Variants in DPP6 observed in about 807,000 individuals in gnomAD.
DPP6 encodes the protein A-type potassium channel modulatory protein DPP6.
A neutral mutation model predicts 122.6 loss-of-function variants in DPP6; 69 were observed. The observed-to-expected ratio is 0.56, with a 90% CI of 0.46 to 0.69. The LOEUF (loss-of-function observed/expected upper bound fraction) is 0.69, where lower values mean the gene tolerates loss of function less well. Ranked by LOEUF, DPP6 falls within the 30% of genes least tolerant of loss-of-function variation. The pLI is 0.00. For synonymous variants in DPP6, 418 were observed against 433.1 expected (o/e 0.97, Z 0.43); for missense variants, 928 against 1,116.9 (o/e 0.83, Z 2.41).
rs1805036666 is a variant in DPP6 at position 154,877,986 on chromosome 7, G to A, written c.2078+1886G>A. On this transcript the variant is annotated intron_variant, in intron 20 of 25. Coordinates refer to ENST00000377770, the MANE Select transcript of DPP6 (RefSeq NM_130797.4). This position sits in a 1 kb window ranked among gnomAD's most constrained non-coding sequence, Gnocchi z 5.2. ...CCGGCCCAGGCTGCGCTCTGGAGTGGAGTGGGCCTGGCTTCCTGGGTGGGG... is the reference window on the plus strand; with the variant it reads ...CCGGCCCAGGCTGCGCTCTGGAGTGAAGTGGGCCTGGCTTCCTGGGTGGGG... Among the ~76,000 whole-genome samples, 2 of 152,236 alleles carry A rather than the reference G, an allele frequency of 1.3e-5. No individual in the cohort carries two copies.
intron 1 of DPP6, among the ~76,000 whole-genome samples, chr7:154,344,481 C>T (rs1810219247): frequency 6.6e-6 from 1 of 152,102 alleles, no homozygotes; most frequent in Non-Finnish European, 1.5e-5. Flanking sequence ...GGTAAATTAG[C>T]ACAGCCACTA....
chr7:153,960,076 A>G lies in DPP6; in HGVS notation c.51+72342A>G, dbSNP rs565935389. 2.1e-4 allele frequency among the ~76,000 whole-genome samples: 32 copies of G among 152,346 alleles called. No homozygotes were observed. In the South Asian group the frequency reaches 6.6e-3, roughly 32 times the overall value. ...AAAACCATTTGGAGCCAAATCAAGC[A>G]AATGAGGTGTGTGATCAAACTCTAA... On this transcript the variant is annotated intron_variant, in intron 1 of 25. Coordinates refer to the DPP6 transcript ENST00000404039.
chr7:153,887,710 C>T (rs776929713), exon 1 of DPP6: 1 of 1,613,866 alleles, frequency 6.2e-7, no homozygotes, highest in South Asian at 1.1e-5. Context: ...TGATCAAGAC[C>T]GCTAAGATGC....
At chr7:154,444,097 C>T (rs73726881) in intron 1 of DPP6, among the ~76,000 whole-genome samples, 28,037 of 150,632 alleles carry the variant, frequency 0.19, 3,920 homozygotes, top group African/African-American at 0.38. Flanking sequence ...TTGAAAACTG[C>T]ATCTATGCTG....
intron 1 of DPP6, among the ~76,000 whole-genome samples, chr7:154,230,776 TC>T (rs1800875502): frequency 6.6e-6 from 1 of 152,196 alleles, no homozygotes; most frequent in African/African-American, 2.4e-5. Flanking sequence ...TTTTTGCCAC[TC>T]AAAAACATTG....
intron 5 of DPP6, among the ~76,000 whole-genome samples, chr7:154,575,343 ATG>A (rs1473078831): frequency 1.8e-4 from 5 of 27,308 alleles, no homozygotes; most frequent in Non-Finnish European, 3.2e-4. Flanking sequence ...TGGTGTGTGT[ATG>A]TGTGTGTGGT....
chr7:154,256,367 C>T (rs984939885), intron 1 of DPP6, among the ~76,000 whole-genome samples: 9 of 152,168 alleles, frequency 5.9e-5, no homozygotes, highest in Admixed American at 1.3e-4. Context: ...CAGAGGGCAG[C>T]ACAGTGGCCC....
intron 1 of DPP6, among the ~76,000 whole-genome samples, chr7:154,087,337 G>A (rs988701116): frequency 7.2e-5 from 11 of 152,104 alleles, no homozygotes; most frequent in African/African-American, 2.7e-4. Context: ...AGAGTAGCAG[G>A]AAGGCACTGA....
chr7:153,750,303 A>T, the DPP6 span, among the ~76,000 whole-genome samples: 2 of 151,600 alleles, frequency 1.3e-5, no homozygotes, highest in East Asian at 3.9e-4. Flanking sequence ...TTGAGTAGTT[A>T]TATGTTTCAC....
At chr7:154,774,863 C>A (rs2150387598) in intron 10 of DPP6, among the ~76,000 whole-genome samples, 1 of 152,264 alleles carries the variant, frequency 6.6e-6, no homozygotes, top group Non-Finnish European at 1.5e-5. Flanking sequence ...TAAATCCCTG[C>A]AGGTGTGAGA....
At chr7:153,852,443 C>T in the DPP6 span, among the ~76,000 whole-genome samples, 1 of 152,018 alleles carries the variant, frequency 6.6e-6, no homozygotes, top group African/African-American at 2.4e-5. Flanking sequence ...AGCTGCCATA[C>T]ACTTTTAAAC....
At chr7:154,784,377 AAGCTT>A (rs1432651545) in intron 10 of DPP6, among the ~76,000 whole-genome samples, 2 of 152,170 alleles carry the variant, frequency 1.3e-5, no homozygotes, top group African/African-American at 4.8e-5. Context: ...GAAGTCACAG[AAGCTT>A]ATCCAAGCAA....
rs1449486346 is a variant in DPP6, at chr7:154,241,323, T to C, written c.243+188260T>C. Among the ~76,000 whole-genome samples, 1 of 152,136 alleles carries C rather than the reference T, an allele frequency of 6.6e-6. No homozygotes were observed. Among genetic ancestry groups the C allele is most frequent in the East Asian group, 1.9e-4 (1 of 5,182 alleles). Reference sequence around the variant, plus strand: ...AAGTATGTTTTCCATTAAAATGTACTAAATAGGAGAGTACCTTCCTGTGTT... The same window carrying C: ...AAGTATGTTTTCCATTAAAATGTACCAAATAGGAGAGTACCTTCCTGTGTT... On this transcript the variant is annotated intron_variant, in intron 1 of 25. Coordinates refer to ENST00000377770, the MANE Select transcript of DPP6 (RefSeq NM_130797.4). The surrounding 1 kb of genome is among the most constrained non-coding windows in gnomAD (Gnocchi z 9.0).
intron 1 of DPP6, among the ~76,000 whole-genome samples, chr7:154,268,058 G>A (rs1474287691): frequency 2.0e-5 from 3 of 152,184 alleles, no homozygotes; most frequent in Non-Finnish European, 4.4e-5. Flanking sequence ...TTCTAAAGGT[G>A]CAAAGGGTTT....
chr7:154,779,044 A>C (rs1277028869), intron 10 of DPP6, among the ~76,000 whole-genome samples: 29 of 29,468 alleles, frequency 9.8e-4, no homozygotes, highest in East Asian at 5.0e-3. Flanking sequence ...CCACCACCAC[A>C]ACTACCCCCA....
rs773861201 is a variant in DPP6 at position 154,474,961 on chromosome 7, AAAG to A, written c.388_390del (p.Lys130del). ...TAGCGGAAGATAATAGTCTGTCTCA[AAAG>A]AAGAAGGTCACTGTAGAAGATCTCT... is the stretch of plus-strand genomic sequence containing the variant. On this transcript the variant is annotated inframe_deletion, in exon 3 of 26. Transcript: ENST00000377770. 9 of 1,613,620 alleles carry A rather than the reference AAAG, an allele frequency of 5.6e-6. No individual in the cohort carries two copies. The highest frequency in any genetic ancestry group is 7.6e-6 in the Non-Finnish European group (9 of 1,179,720).
chr7:154,742,055 G>T (rs1219616462), intron 8 of DPP6, among the ~76,000 whole-genome samples: 4 of 152,198 alleles, frequency 2.6e-5, no homozygotes, highest in African/African-American at 9.7e-5. Context: ...AGTCACTATG[G>T]ATTGCAGTGC....
At chr7:153,879,835 A>G in the DPP6 span, among the ~76,000 whole-genome samples, 1 of 152,210 alleles carries the variant, frequency 6.6e-6, no homozygotes, top group Non-Finnish European at 1.5e-5. Flanking sequence ...TTTAATAGGA[A>G]TTTCCTAGTC....
At chr7:154,820,200 A>T (rs1276413614) in intron 16 of DPP6, among the ~76,000 whole-genome samples, 2 of 152,244 alleles carry the variant, frequency 1.3e-5, no homozygotes, top group East Asian at 1.9e-4. Context: ...CCACTGCAGC[A>T]CACGGGACAC....
Sources: allele counts gnomAD v4.1 joint callset (sites outside exome capture counted in the v4.1 genomes callset), GRCh38; gene constraint gnomAD v4.1.1; non-coding constraint Gnocchi (gnomAD v3.1); transcripts MANE v1.5; gene names NCBI Gene and HGNC (gene_info 2026-07-23, HGNC 2026-07-21).